Variants in CLIC2 observed in about 807,000 individuals in gnomAD.
CLIC2 encodes CLIC family member 2.
Under a neutral mutation model 14.8 loss-of-function variants are expected in CLIC2, and 9 were observed. That is an observed-to-expected ratio of 0.61 (90% CI 0.37 to 1.06). CLIC2 has a LOEUF of 1.06. Ranked by LOEUF, CLIC2 falls within the 50% of genes least tolerant of loss-of-function variation. The probability of loss-of-function intolerance (pLI) is 0.01; values close to 1 mark genes in which losing one functional copy is unlikely to be tolerated. For missense variants in CLIC2, 148 were observed against 181.4 expected (o/e 0.82, Z 1.06); for synonymous variants, 61 against 66.3 (o/e 0.92, Z 0.39).
chrX:155,283,700 GTT>G (rs1217653126), intron 3 of CLIC2, among the ~76,000 whole-genome samples: 37 of 104,192 alleles, frequency 3.6e-4, no homozygotes, highest in African/African-American at 1.2e-3. Flanking sequence ...ACATGCCTCA[GTT>G]TTTTTTTTTT....
At chrX:155,302,516 C>T (rs2075024033) in intron 1 of CLIC2, among the ~76,000 whole-genome samples, 1 of 96,979 alleles carries the variant, frequency 1.0e-5, no homozygotes, top group Non-Finnish European at 2.1e-5. Flanking sequence ...TTTGTTGACC[C>T]TTTCAAAAAA....
At chrX:155,284,658 A>G (rs1191932143) in intron 3 of CLIC2, among the ~76,000 whole-genome samples, 1 of 111,752 alleles carries the variant, frequency 8.9e-6, no homozygotes, top group African/African-American at 3.3e-5. Context: ...TCTTTCCACA[A>G]CCAGCACCAG....
At chrX:155,310,601 G>A in intron 1 of CLIC2, 1 of 141,780 alleles carries the variant, frequency 7.1e-6, no homozygotes, top group Non-Finnish European at 1.4e-5. Context: ...AACTGTCAGT[G>A]GATCTACCAT....
chrX:155,277,292 T>C lies in CLIC2; in HGVS notation c.*611A>G. ...AGTGCTTCTTCATTTAAAAATAATA[T>C]AATCTGGTCACAAAGGCTACATTCT... On this transcript the variant is annotated 3_prime_UTR_variant, in exon 6 of 6. Transcript: ENST00000369449. 2.7e-5 allele frequency: 3 copies of C among 111,639 alleles called. No homozygotes were observed. The South Asian group carries it at 1.1e-3, about 42-fold the overall frequency. 9.2% of individuals were successfully genotyped at this position (111,639 alleles called of 1,213,427 possible). A position where few individuals can be genotyped will look rare whatever the true frequency, so the allele number is the denominator to read the frequency against.
At chrX:155,301,554 A>G (rs1370682237) in intron 1 of CLIC2, among the ~76,000 whole-genome samples, 1 of 97,133 alleles carries the variant, frequency 1.0e-5, no homozygotes, top group African/African-American at 3.6e-5. Flanking sequence ...TCTTTTCCTA[A>G]TTGAATACCC....
chrX:155,290,479 T>C, intron 3 of CLIC2: 4 of 529,254 alleles, frequency 7.6e-6, no homozygotes, highest in Admixed American at 2.5e-5. Context: ...CTAATCCTCA[T>C]TGTCTATCTC....
intron 1 of CLIC2, among the ~76,000 whole-genome samples, chrX:155,323,282 A>G (rs1292534451): frequency 2.7e-5 from 3 of 112,162 alleles, no homozygotes; most frequent in Non-Finnish European, 3.8e-5. Flanking sequence ...AAAATCCTCA[A>G]TAAAATACTG....
chrX:155,319,225 G>A (rs1366245410), intron 1 of CLIC2, among the ~76,000 whole-genome samples: 1 of 111,909 alleles, frequency 8.9e-6, no homozygotes, highest in African/African-American at 3.2e-5. Flanking sequence ...TTAATTAAAT[G>A]AAAAAGCTTC....
chrX:155,277,124 G>T lies in CLIC2; in HGVS notation c.*779C>A, dbSNP rs782507833. The T allele has an allele frequency of 3.6e-5, 4 of 112,055 alleles. No homozygotes were observed. In the Admixed American group the frequency reaches 3.8e-4, roughly 11 times the overall value. The allele number at this position is 112,055 out of a possible 1,213,427, so 9.2% of individuals were successfully genotyped here. The stretch of plus-strand genomic sequence containing the variant: ...GTAGAAAGTTTTGTAATTATCTAAG[G>T]ACTGTTTACCTTATCCTTTTATGGA... On this transcript the variant is annotated 3_prime_UTR_variant, in exon 6 of 6. Coordinates refer to ENST00000369449, the MANE Select transcript of CLIC2 (RefSeq NM_001289.6).
intron 5 of CLIC2, 29 bp downstream of exon 5, chrX:155,279,120 C>T: frequency 3.4e-6 from 4 of 1,187,989 alleles, no homozygotes; most frequent in Non-Finnish European, 3.4e-6. Context: ...ACCCCTCCCA[C>T]CCATTCAGCC....
chrX:155,329,918 C>T (rs974351980), intron 1 of CLIC2, among the ~76,000 whole-genome samples: 1 of 111,218 alleles, frequency 9.0e-6, no homozygotes, highest in African/African-American at 3.3e-5. Flanking sequence ...TCATATATTA[C>T]ATAAAATAAG....
intron 1 of CLIC2, among the ~76,000 whole-genome samples, chrX:155,322,405 A>C (rs781803716): frequency 2.7e-5 from 3 of 111,840 alleles, no homozygotes; most frequent in Non-Finnish European, 5.6e-5. Context: ...TAAGAAACTC[A>C]CTCAAAACCG....
intron 1 of CLIC2, among the ~76,000 whole-genome samples, chrX:155,311,873 A>G (rs1557320620): frequency 9.0e-6 from 1 of 111,208 alleles, no homozygotes; most frequent in East Asian, 2.8e-4. Flanking sequence ...TTATAAAACT[A>G]TCAGATCTTG....
intron 3 of CLIC2, chrX:155,292,931 C>T: frequency 9.3e-7 from 1 of 1,073,971 alleles, no homozygotes; most frequent in Non-Finnish European, 1.3e-6. Flanking sequence ...ACAGGGCGAA[C>T]AAAGGTCAGT....
rs183616196 is a variant in CLIC2, at chrX:155,334,554, T to C, written c.-127A>G. On this transcript the variant is annotated 5_prime_UTR_variant, in exon 1 of 6. Transcript: ENST00000369449. ...TGCTTTAAGAAGACCGTCTAGCTTG[T>C]AGTGGACTGAGTCAGACCTGGAGCC... is the stretch of plus-strand genomic sequence containing the variant. The C allele has an allele frequency of 2.7e-4, 158 of 590,047 alleles. No homozygotes were observed. The highest frequency in any genetic ancestry group is 1.2e-3 in the Admixed American group (49 of 40,380). The allele number at this position is 590,047 out of a possible 1,213,427, so 48.6% of individuals were successfully genotyped here. A position where few individuals can be genotyped will look rare whatever the true frequency, so the allele number is the denominator to read the frequency against.
At chrX:155,325,828 G>A (rs1341450103) in intron 1 of CLIC2, among the ~76,000 whole-genome samples, 1 of 78,490 alleles carries the variant, frequency 1.3e-5, no homozygotes, top group Non-Finnish European at 2.4e-5. Flanking sequence ...ACACACCATG[G>A]AATACTACTC....
intron 1 of CLIC2, among the ~76,000 whole-genome samples, chrX:155,316,551 G>A (rs2075095812): frequency 9.0e-6 from 1 of 111,310 alleles, no homozygotes; most frequent in Non-Finnish European, 1.9e-5. Flanking sequence ...ATCAAAAATT[G>A]TTTGAACTGA....
intron 1 of CLIC2, among the ~76,000 whole-genome samples, chrX:155,326,316 AG>A (rs782607488): frequency 8.9e-6 from 1 of 112,055 alleles, no homozygotes; most frequent in East Asian, 2.8e-4. Flanking sequence ...TGCACTGAAG[AG>A]GACATGCAGA....
At chrX:155,321,573 A>G (rs1557321644) in intron 1 of CLIC2, among the ~76,000 whole-genome samples, 2 of 113,167 alleles carry the variant, frequency 1.8e-5, no homozygotes, top group African/African-American at 6.4e-5. Context: ...AGCACTAAAC[A>G]TGGAAAGAAA....
Sources: gnomAD v4.1 joint callset for allele counts (sites outside exome capture counted in the v4.1 genomes callset) on GRCh38, gnomAD v4.1.1 for gene constraint, MANE v1.5 for transcripts, NCBI Gene and HGNC (gene_info 2026-07-23, HGNC 2026-07-21) for gene names.